Variants in CSMD3 observed in about 807,000 individuals in gnomAD.
CSMD3 encodes the protein CUB and Sushi multiple domains 3, also known as CUB and sushi domain-containing protein 3.
CSMD3 carries 177 observed loss-of-function variants against 435.2 expected under a neutral mutation model. The ratio of observed to expected loss-of-function variants is 0.41; its 90% CI spans 0.36 to 0.46. The LOEUF (loss-of-function observed/expected upper bound fraction) is 0.46. CSMD3 is among the 20% of genes least tolerant of loss of function. The pLI is 0.34. For synonymous variants in CSMD3, 1,656 were observed against 1,520.5 expected (o/e 1.09, Z -2.07); for missense variants, 4,265 against 4,504.6 (o/e 0.95, Z 1.52).
At chr8:112,328,284 T>A (rs937577441) in intron 45 of CSMD3, among the ~76,000 whole-genome samples, 1 of 152,180 alleles carries the variant, frequency 6.6e-6, no homozygotes, top group African/African-American at 2.4e-5. Context: ...TTAAGCTATT[T>A]CACTTGAAAG....
chr8:112,535,523 G>A (rs1405802832), intron 27 of CSMD3, among the ~76,000 whole-genome samples: 6 of 151,708 alleles, frequency 4.0e-5, no homozygotes, highest in Non-Finnish European at 8.8e-5. Context: ...AATAAAAGAG[G>A]ATACAAACAA....
intron 6 of CSMD3, among the ~76,000 whole-genome samples, chr8:112,993,562 C>T (rs1476803092): frequency 1.3e-5 from 2 of 151,650 alleles, no homozygotes; most frequent in Admixed American, 6.6e-5. Flanking sequence ...CACTATTATG[C>T]TGAAGATATA....
chr8:112,545,204 C>A (rs1041934318), intron 27 of CSMD3, among the ~76,000 whole-genome samples: 1 of 152,112 alleles, frequency 6.6e-6, no homozygotes, highest in South Asian at 2.1e-4. Flanking sequence ...CTCCTCCTGG[C>A]CAGGCACAGT....
At position 113,098,748 on chromosome 8, in the gene CSMD3, T is replaced by C. The variant is rs779617057; in HGVS notation, c.917+8A>G. On this transcript the variant is annotated splice_region_variant and intron_variant, in intron 5 of 70. Transcript: ENST00000297405. Reference sequence around the variant, plus strand: ...TCAATGCAAGGTTAATAGAAGCTATTTACTTACCATATGGTAGGTGGCTCA... The same window carrying C: ...TCAATGCAAGGTTAATAGAAGCTATCTACTTACCATATGGTAGGTGGCTCA... 2 of 1,565,950 alleles carry C rather than the reference T, an allele frequency of 1.3e-6. No individual in the cohort carries two copies. Among genetic ancestry groups the C allele is most frequent in the Non-Finnish European group, 1.8e-6 (2 of 1,136,698 alleles).
chr8:112,382,629 AC>A (rs1563869611), intron 37 of CSMD3, among the ~76,000 whole-genome samples: 2 of 152,158 alleles, frequency 1.3e-5, no homozygotes, highest in Non-Finnish European at 2.9e-5. Context: ...ACAAAGTAAA[AC>A]TTTTTATTTT....
At chr8:112,597,873 TA>T (rs1196156814) in intron 22 of CSMD3, among the ~76,000 whole-genome samples, 1 of 112,246 alleles carries the variant, frequency 8.9e-6, no homozygotes, top group East Asian at 2.6e-4. Context: ...TATTTCAAAA[TA>T]ATAAGAGCTA....
chr8:113,152,711 G>C (rs920751658), intron 4 of CSMD3, among the ~76,000 whole-genome samples: 1 of 152,006 alleles, frequency 6.6e-6, no homozygotes, highest in African/African-American at 2.4e-5. Context: ...TGTGTGCAGT[G>C]GCTCATGTTT....
chr8:113,346,784 C>T (rs765280952), intron 1 of CSMD3, among the ~76,000 whole-genome samples: 10 of 152,154 alleles, frequency 6.6e-5, no homozygotes, highest in Middle Eastern at 6.8e-3. Flanking sequence ...ATGAATAATG[C>T]TTTAATGATC....
intron 3 of CSMD3, among the ~76,000 whole-genome samples, chr8:113,235,453 A>T (rs1187554384): frequency 2.6e-5 from 4 of 152,152 alleles, no homozygotes; most frequent in Non-Finnish European, 4.4e-5. Context: ...AATAATTTTT[A>T]AAAACTTACA....
At chr8:112,596,453 T>C (rs1831730043) in intron 22 of CSMD3, among the ~76,000 whole-genome samples, 1 of 152,072 alleles carries the variant, frequency 6.6e-6, no homozygotes, top group Non-Finnish European at 1.5e-5. Context: ...ATTAGACAGA[T>C]CAACGAGACA....
intron 12 of CSMD3, among the ~76,000 whole-genome samples, chr8:112,822,770 G>C (rs1443591435): frequency 6.6e-6 from 1 of 152,006 alleles, no homozygotes. Flanking sequence ...ATAGGCTGTT[G>C]GTTTGTCATA....
rs148018384 is a variant in CSMD3, at chr8:112,397,011, C to G, written c.5810-6223G>C. ...AGTTAACAGAGGTTGAAAAGGAGCACAAATTAAAGAGAACACTTTGATATT... is the reference window on the plus strand; with the variant it reads ...AGTTAACAGAGGTTGAAAAGGAGCAGAAATTAAAGAGAACACTTTGATATT... On this transcript the variant is annotated intron_variant, in intron 35 of 70. Transcript: ENST00000297405. Among the ~76,000 whole-genome samples, 262 of 152,190 alleles carry G rather than the reference C, an allele frequency of 1.7e-3. 3 individuals carry two copies. The highest frequency in any genetic ancestry group is 6.1e-3 in the African/African-American group (255 of 41,546).
chr8:112,793,281 T>C (rs933499665), intron 13 of CSMD3, among the ~76,000 whole-genome samples: 12 of 149,686 alleles, frequency 8.0e-5, no homozygotes, highest in Non-Finnish European at 1.3e-4. Flanking sequence ...GAATATATAC[T>C]GGTAGCAGAA....
At chr8:113,041,489 C>T (rs1406454592) in intron 5 of CSMD3, among the ~76,000 whole-genome samples, 1 of 152,056 alleles carries the variant, frequency 6.6e-6, no homozygotes, top group Non-Finnish European at 1.5e-5. Context: ...TCACTTAGAT[C>T]TGAAACTTTT....
At chr8:112,801,949 T>G (rs1204146598) in intron 12 of CSMD3, among the ~76,000 whole-genome samples, 1 of 151,990 alleles carries the variant, frequency 6.6e-6, no homozygotes, top group Non-Finnish European at 1.5e-5. Context: ...TTCATAATCC[T>G]GAACTGTTCT....
chr8:112,699,618 G>A (rs2076342614), intron 13 of CSMD3, among the ~76,000 whole-genome samples: 1 of 152,184 alleles, frequency 6.6e-6, no homozygotes, highest in African/African-American at 2.4e-5. Context: ...AATCCTGGAA[G>A]ACATCAATTT....
intron 1 of CSMD3, among the ~76,000 whole-genome samples, chr8:113,343,025 G>C (rs1400907524): frequency 6.6e-6 from 1 of 151,868 alleles, no homozygotes; most frequent in Non-Finnish European, 1.5e-5. Context: ...GGAGGAAGAA[G>C]AGTCAAAATA....
intron 7 of CSMD3, among the ~76,000 whole-genome samples, chr8:112,956,536 T>C (rs550446219): frequency 2.6e-5 from 4 of 152,120 alleles, no homozygotes; most frequent in Non-Finnish European, 5.9e-5. Flanking sequence ...TTTATAAGTA[T>C]TAAAAATAGG....
At chr8:112,405,246 T>TATATATATATATATAC (rs1199452249) in intron 35 of CSMD3, among the ~76,000 whole-genome samples, 2 of 81,534 alleles carry the variant, frequency 2.5e-5, no homozygotes, top group African/African-American at 5.3e-5. Context: ...TATATATATA[T>TATATATATATATATAC]ACATATATAT....
Sources: allele counts gnomAD v4.1 joint callset (sites outside exome capture counted in the v4.1 genomes callset), GRCh38; gene constraint gnomAD v4.1.1; transcripts MANE v1.5; gene names NCBI Gene and HGNC (gene_info 2026-07-23, HGNC 2026-07-21).